SLC25A48: variants seen among roughly 807,000 people sequenced by gnomAD.
SLC25A48 encodes CTC-321K16.1.
SLC25A48 carries 29 observed loss-of-function variants against 32.2 expected under a neutral mutation model. The ratio of observed to expected loss-of-function variants is 0.90; its 90% CI spans 0.67 to 1.23. The LOEUF (loss-of-function observed/expected upper bound fraction) is 1.23. Ranked by LOEUF, SLC25A48 falls within the 50% of genes most tolerant of loss-of-function variation. SLC25A48 has a pLI of 0.00. For synonymous variants in SLC25A48, 164 were observed against 172.3 expected, an observed-to-expected ratio of 0.95 and a Z score of 0.38; for missense variants, 399 against 422.7, an observed-to-expected ratio of 0.94 and a Z score of 0.49.
chr5:135,856,265 G>C (rs542209439), intron 4 of SLC25A48, among the ~76,000 whole-genome samples: 5 of 152,178 alleles, frequency 3.3e-5, no homozygotes, highest in Non-Finnish European at 7.3e-5. Flanking sequence ...TGGACCCAGA[G>C]TCCTTTCCTG....
At chr5:135,641,294 C>T (rs1025604895) in intron 3 of SLC25A48, among the ~76,000 whole-genome samples, 13 of 152,108 alleles carry the variant, frequency 8.5e-5, no homozygotes, top group Admixed American at 8.5e-4. Context: ...ATATTTGTGA[C>T]CTTTGGATGA....
At chr5:135,616,722 G>A (rs910501757) in intron 1 of SLC25A48, among the ~76,000 whole-genome samples, 1 of 152,172 alleles carries the variant, frequency 6.6e-6, no homozygotes, top group Non-Finnish European at 1.5e-5. Context: ...TGTTGAAAAG[G>A]GATTATTGTA....
intron 3 of SLC25A48, among the ~76,000 whole-genome samples, chr5:135,795,335 C>T (rs534159070): frequency 2.6e-5 from 4 of 151,690 alleles, no homozygotes; most frequent in Non-Finnish European, 5.9e-5. Flanking sequence ...AGGGTTTACA[C>T]CCCCCATGAT....
chr5:135,658,715 C>A (rs777211016), intron 3 of SLC25A48, among the ~76,000 whole-genome samples: 1 of 152,200 alleles, frequency 6.6e-6, no homozygotes, highest in Non-Finnish European at 1.5e-5. Flanking sequence ...CCTTTGAAAT[C>A]TAGGTGGAGG....
intron 3 of SLC25A48, among the ~76,000 whole-genome samples, chr5:135,778,370 C>A (rs191130617): frequency 2.6e-4 from 40 of 151,580 alleles, no homozygotes; most frequent in African/African-American, 9.7e-4. Flanking sequence ...ATGTACACCC[C>A]CGATGTGATA....
At chr5:135,813,893 C>A (rs1757649646) in intron 4 of SLC25A48, among the ~76,000 whole-genome samples, 1 of 152,104 alleles carries the variant, frequency 6.6e-6, no homozygotes, top group African/African-American at 2.4e-5. Flanking sequence ...TGCACCAACC[C>A]CCAAGCCGGC....
At chr5:135,636,855 C>T (rs1284970865) in intron 3 of SLC25A48, among the ~76,000 whole-genome samples, 1 of 152,184 alleles carries the variant, frequency 6.6e-6, no homozygotes, top group Non-Finnish European at 1.5e-5. Context: ...ATAGCCAAAC[C>T]AAGCCACGTT....
intron 3 of SLC25A48, among the ~76,000 whole-genome samples, chr5:135,675,044 C>G (rs568833067): frequency 6.6e-6 from 1 of 151,898 alleles, no homozygotes; most frequent in South Asian, 2.1e-4. Context: ...TTAATAATAG[C>G]TATTCTAACT....
intron 1 of SLC25A48, among the ~76,000 whole-genome samples, chr5:135,595,195 G>A (rs1015588190): frequency 6.6e-6 from 1 of 152,148 alleles, no homozygotes; most frequent in Non-Finnish European, 1.5e-5. Context: ...CCCTTACCCT[G>A]CTCCACTCTC....
chr5:135,867,134 A>T (rs1016065327), intron 4 of SLC25A48, among the ~76,000 whole-genome samples: 1 of 152,212 alleles, frequency 6.6e-6, no homozygotes, highest in Admixed American at 6.5e-5. Context: ...ATTACAGAAT[A>T]AAAAATTCTA....
At chr5:135,764,049 T>C (rs774167739) in intron 3 of SLC25A48, among the ~76,000 whole-genome samples, 3 of 152,112 alleles carry the variant, frequency 2.0e-5, no homozygotes, top group East Asian at 1.9e-4. Context: ...GGATGTGATA[T>C]GGTTCATAAT....
At chr5:135,855,764 A>C (rs1760263621) in intron 4 of SLC25A48, among the ~76,000 whole-genome samples, 1 of 152,202 alleles carries the variant, frequency 6.6e-6, no homozygotes, top group East Asian at 1.9e-4. Context: ...TGTATGTCTC[A>C]TCCAAAAGCC....
chr5:135,773,096 T>C (rs1756456875), intron 3 of SLC25A48, among the ~76,000 whole-genome samples: 1 of 151,074 alleles, frequency 6.6e-6, no homozygotes, highest in Admixed American at 6.6e-5. Context: ...ACTCTCAATA[T>C]CGCAGGGGGT....
At chr5:135,847,509 G>A (rs560311153) in intron 2 of SLC25A48, among the ~76,000 whole-genome samples, 73 of 152,336 alleles carry the variant, frequency 4.8e-4, no homozygotes, top group African/African-American at 1.7e-3. Context: ...TATGGCAAAA[G>A]AAAACTTTGC....
intron 1 of SLC25A48, among the ~76,000 whole-genome samples, chr5:135,836,170 A>G (rs973042888): frequency 2.0e-5 from 3 of 152,198 alleles, no homozygotes; most frequent in Admixed American, 6.5e-5. Context: ...CCTGGAAGGT[A>G]GGGCTGAGTC....
chr5:135,643,216 T>G (rs557617431), intron 3 of SLC25A48, among the ~76,000 whole-genome samples: 1 of 152,322 alleles, frequency 6.6e-6, no homozygotes, highest in East Asian at 1.9e-4. Flanking sequence ...TTTGAGTTGC[T>G]TCCTGACGGG....
At chr5:135,785,436 C>T (rs1205096887) in intron 3 of SLC25A48, among the ~76,000 whole-genome samples, 1 of 150,950 alleles carries the variant, frequency 6.6e-6, no homozygotes, top group East Asian at 2.0e-4. Flanking sequence ...CCCTATGCGG[C>T]GGGAGGTGGA....
Position 135,629,344 on chromosome 5 carries a change from C to T in SLC25A48, c.-741C>T, listed in dbSNP as rs917082665. 3 of 152,252 alleles carry T rather than the reference C, an allele frequency of 2.0e-5. No individual in the cohort carries two copies. The highest frequency in any genetic ancestry group is 6.5e-5 in the Admixed American group (1 of 15,290). The allele number at this position is 152,252 out of a possible 1,614,324, so 9.4% of individuals were successfully genotyped here. The stretch of plus-strand genomic sequence containing the variant: ...GAAAACAGGCATGGAATGCCAGGAA[C>T]GCAGCACCTGTGGCTAAGTTGTGGT... On this transcript the variant is annotated 5_prime_UTR_variant, in exon 2 of 11. Transcript: ENST00000646290. The surrounding 1 kb of genome is among the most constrained non-coding windows in gnomAD (Gnocchi z 4.8).
intron 4 of SLC25A48, among the ~76,000 whole-genome samples, chr5:135,854,633 G>A (rs973187737): frequency 1.3e-5 from 2 of 152,188 alleles, no homozygotes; most frequent in Non-Finnish European, 2.9e-5. Flanking sequence ...TTGGCTTAAG[G>A]GAAAGTTGTG....
Sources: allele counts gnomAD v4.1 joint callset (sites outside exome capture counted in the v4.1 genomes callset), GRCh38; gene constraint gnomAD v4.1.1; non-coding constraint Gnocchi (gnomAD v3.1); transcripts MANE v1.5; gene names NCBI Gene and HGNC (gene_info 2026-07-23, HGNC 2026-07-21).